Variants in NEK1 observed in about 807,000 individuals in gnomAD.
NEK1 encodes serine/threonine-protein kinase Nek1.
A neutral mutation model predicts 182.1 loss-of-function variants in NEK1; 137 were observed. That is an observed-to-expected ratio of 0.75 (90% CI 0.65 to 0.87). The LOEUF (loss-of-function observed/expected upper bound fraction) is 0.87, where lower values mean the gene tolerates loss of function less well. Ranked by LOEUF, NEK1 falls within the 40% of genes least tolerant of loss-of-function variation. The pLI is 0.00. For missense variants in NEK1, 1,391 were observed against 1,494.4 expected (o/e 0.93, Z 1.14); for synonymous variants, 513 against 492.2 (o/e 1.04, Z -0.56).
In NEK1 at chr4:169,590,712, A is replaced by G. The variant is rs1046044744; in HGVS notation, c.396+14T>C. 7.1e-6 allele frequency: 11 copies of G among 1,557,076 alleles called. No homozygotes were observed. The African/African-American group carries it at 1.5e-4, about 21-fold the overall frequency. Reference sequence around the variant, plus strand: ...TTTATCCATTCAGAAGTTATCAGTGACAGAATAACATACCTGAGATTTAAT... The same window carrying G: ...TTTATCCATTCAGAAGTTATCAGTGGCAGAATAACATACCTGAGATTTAAT... On this transcript the variant is annotated intron_variant, in intron 6 of 35. Coordinates refer to ENST00000507142, the MANE Select transcript of NEK1 (RefSeq NM_001199397.3).
intron 12 of NEK1, among the ~76,000 whole-genome samples, chr4:169,564,903 G>C (rs182202166): frequency 4.6e-5 from 7 of 152,150 alleles, no homozygotes; most frequent in African/African-American, 1.7e-4. Flanking sequence ...TTAACTCAAG[G>C]CTATAGCAAC....
intron 2 of NEK1, among the ~76,000 whole-genome samples, chr4:169,610,298 G>A (rs1015487735): frequency 2.6e-4 from 39 of 151,264 alleles, no homozygotes; most frequent in Admixed American, 7.9e-4. Flanking sequence ...CACAGCGTCT[G>A]ACCCAGAATT....
At chr4:169,414,750 G>A (rs972388158) in intron 31 of NEK1, among the ~76,000 whole-genome samples, 6 of 152,160 alleles carry the variant, frequency 3.9e-5, no homozygotes, top group Non-Finnish European at 7.3e-5. Context: ...GTAAGAATCT[G>A]TATTTTAGAC....
At chr4:169,548,600 G>A (rs1041857820) in intron 18 of NEK1, among the ~76,000 whole-genome samples, 1 of 152,238 alleles carries the variant, frequency 6.6e-6, no homozygotes, top group African/African-American at 2.4e-5. Context: ...CTGTCCCAGG[G>A]AGGTGGGGGT....
intron 26 of NEK1, among the ~76,000 whole-genome samples, chr4:169,463,964 T>C (rs927130145): frequency 6.6e-6 from 1 of 152,122 alleles, no homozygotes; most frequent in Admixed American, 6.5e-5. Context: ...CTTATACACA[T>C]AGACTTGAGG....
intron 18 of NEK1, among the ~76,000 whole-genome samples, chr4:169,542,733 T>A (rs1321829405): frequency 6.6e-6 from 1 of 152,112 alleles, no homozygotes; most frequent in African/African-American, 2.4e-5. Flanking sequence ...TGATTTGCAT[T>A]TCTTTAGTGA....
intron 23 of NEK1, among the ~76,000 whole-genome samples, chr4:169,499,838 T>G (rs1409500946): frequency 1.3e-5 from 2 of 152,354 alleles, no homozygotes; most frequent in East Asian, 3.9e-4. Flanking sequence ...GTTAGGCTAC[T>G]CGGGGGTCAG....
chr4:169,488,321 T>G (rs1749425644), intron 23 of NEK1, among the ~76,000 whole-genome samples: 1 of 152,244 alleles, frequency 6.6e-6, no homozygotes, highest in African/African-American at 2.4e-5. Context: ...CATTTACATC[T>G]TTAATCCATC....
At chr4:169,534,870 C>A (rs918444208) in intron 19 of NEK1, among the ~76,000 whole-genome samples, 3 of 152,220 alleles carry the variant, frequency 2.0e-5, no homozygotes, top group Middle Eastern at 6.8e-3. Context: ...GGGAAAAAAT[C>A]AATCAACAGA....
intron 5 of NEK1, among the ~76,000 whole-genome samples, chr4:169,591,772 A>T (rs1224037951): frequency 6.6e-6 from 1 of 152,212 alleles, no homozygotes; most frequent in Non-Finnish European, 1.5e-5. Flanking sequence ...CTTAAGTCAT[A>T]CGAAAAAGAC....
chr4:169,407,579 C>T lies in NEK1; in HGVS notation c.3223-832G>A, dbSNP rs149209220. ...AGCTGAGGTGTTGAAAATGTGAATC[C>T]GTACTGGATAAGGGATAATAGAAAT... On this transcript the variant is annotated intron_variant, in intron 31 of 35. Coordinates refer to ENST00000507142, the MANE Select transcript of NEK1 (RefSeq NM_001199397.3). Among the ~76,000 whole-genome samples, 876 of 152,226 alleles carry T rather than the reference C, an allele frequency of 5.8e-3. 9 individuals carry two copies. The highest frequency in any genetic ancestry group is 0.01 in the Middle Eastern group (3 of 294).
chr4:169,455,425 T>C (rs527725762), intron 27 of NEK1, among the ~76,000 whole-genome samples: 1 of 151,342 alleles, frequency 6.6e-6, no homozygotes, highest in South Asian at 2.1e-4. Context: ...TGAATAAAGA[T>C]ATTCTATGCC....
chr4:169,421,217 GA>G (rs1735439615), intron 31 of NEK1, among the ~76,000 whole-genome samples: 1 of 152,128 alleles, frequency 6.6e-6, no homozygotes, highest in South Asian at 2.1e-4. Context: ...TTCAGTAATT[GA>G]TAAGTAGAAA....
intron 31 of NEK1, among the ~76,000 whole-genome samples, chr4:169,419,695 T>C (rs1237865514): frequency 6.6e-6 from 1 of 152,192 alleles, no homozygotes; most frequent in East Asian, 1.9e-4. Context: ...TGTGTGAACA[T>C]CATAGAGTGT....
At chr4:169,590,105 C>G (rs540439949) in intron 6 of NEK1, among the ~76,000 whole-genome samples, 1 of 152,150 alleles carries the variant, frequency 6.6e-6, no homozygotes, top group South Asian at 2.1e-4. Flanking sequence ...GTCAGGAGTT[C>G]AAGATCAGCC....
chr4:169,420,230 G>A (rs533444224), intron 31 of NEK1, among the ~76,000 whole-genome samples: 10 of 152,232 alleles, frequency 6.6e-5, no homozygotes, highest in Admixed American at 5.2e-4. Flanking sequence ...GCAATAACAC[G>A]AATGAAGCTG....
At chr4:169,431,944 C>T (rs1411316298) in intron 29 of NEK1, among the ~76,000 whole-genome samples, 1 of 151,786 alleles carries the variant, frequency 6.6e-6, no homozygotes, top group African/African-American at 2.4e-5. Context: ...CACACACACA[C>T]ACACAAAACA....
intron 18 of NEK1, chr4:169,554,112 G>A (rs1490446795): frequency 6.6e-6 from 1 of 152,144 alleles, no homozygotes; most frequent in Admixed American, 6.6e-5. Context: ...TAGAATAATG[G>A]ATAAAGTGTA....
intron 10 of NEK1, among the ~76,000 whole-genome samples, chr4:169,581,661 C>T (rs1425152537): frequency 1.3e-5 from 2 of 152,162 alleles, no homozygotes; most frequent in African/African-American, 4.8e-5. Context: ...GGCATCCATA[C>T]ATTACTCGCC....
Sources: allele counts gnomAD v4.1 joint callset (sites outside exome capture counted in the v4.1 genomes callset), GRCh38; gene constraint gnomAD v4.1.1; transcripts MANE v1.5; gene names NCBI Gene and HGNC (gene_info 2026-07-23, HGNC 2026-07-21).